Variants in CATSPERE observed in about 807,000 individuals in gnomAD.
CATSPERE encodes the protein catsper channel auxiliary subunit epsilon.
In CATSPERE, 93 loss-of-function variants were observed where a neutral mutation model predicts 114.1. That is an observed-to-expected ratio of 0.81 (90% confidence interval 0.69 to 0.97). The LOEUF (loss-of-function observed/expected upper bound fraction) is 0.97, where lower values mean the gene tolerates loss of function less well. CATSPERE is among the 50% of genes least tolerant of loss of function. CATSPERE has a pLI of 0.00. For synonymous variants in CATSPERE, 341 were observed against 384.1 expected (o/e 0.89, Z 1.31); for missense variants, 1,058 against 1,131.6 (o/e 0.93, Z 0.93).
At chr1:244,561,234 G>A (rs986452916) in intron 10 of CATSPERE, 89 bp downstream of exon 10, 5 of 1,005,204 alleles carry the variant, frequency 5.0e-6, no homozygotes, top group African/African-American at 3.2e-5. Flanking sequence ...ATGTACCAAT[G>A]TGTGGCGTTT....
rs142761942 is a variant in CATSPERE, at chr1:244,491,631, T to A, written c.351+1160T>A. On this transcript the variant is annotated intron_variant, in intron 6 of 21. Transcript: ENST00000366534. The stretch of plus-strand genomic sequence containing the variant: ...AGGGAAATAGAGACACAAAAAACCC[T>A]TCAAAAAATTAATGAATCCAGGAGC... 5.3e-3 allele frequency among the ~76,000 whole-genome samples: 814 copies of A among 152,182 alleles called. 10 individuals carry two copies. The highest frequency in any genetic ancestry group is 0.019 in the African/African-American group (782 of 41,530).
intron 7 of CATSPERE, among the ~76,000 whole-genome samples, chr1:244,516,420 TC>T (rs954795727): frequency 3.9e-5 from 6 of 152,190 alleles, no homozygotes; most frequent in Non-Finnish European, 8.8e-5. Context: ...TGATTATAGC[TC>T]ACTGTAGCCT....
intron 2 of CATSPERE, 116 bp downstream of exon 2, chr1:244,464,072 T>G (rs1667222721): frequency 1.3e-6 from 1 of 777,884 alleles, no homozygotes; most frequent in South Asian, 1.7e-5. Context: ...TCTGTTTCGT[T>G]TCTTTCATCC....
At chr1:244,542,294 G>A (rs890092046) in intron 8 of CATSPERE, among the ~76,000 whole-genome samples, 21 of 152,108 alleles carry the variant, frequency 1.4e-4, no homozygotes, top group Non-Finnish European at 1.0e-4. Context: ...CAACAGCTGA[G>A]TGGCGACTCT....
chr1:244,574,512 C>G (rs1664951469), intron 11 of CATSPERE, among the ~76,000 whole-genome samples: 1 of 152,114 alleles, frequency 6.6e-6, no homozygotes, highest in Admixed American at 6.5e-5. Context: ...ATTCCTTCCT[C>G]TTGATTTTAT....
Position 244,518,614 on chromosome 1 carries a change from A to T in CATSPERE, c.452A>T (p.Gln151Leu), listed in dbSNP as rs765224753. 6.3e-7 allele frequency: 1 copy of T among 1,593,886 alleles called. No individual in the cohort carries two copies. Among genetic ancestry groups the T allele is most frequent in the Admixed American group, 1.7e-5 (1 of 59,476 alleles). ...PSINSIVLST[Q>L]MATLGQKPVI... ...CAGAATTCCATAGTACTCAGCACAC[A>T]GATGGCCACATTGGGACAGAAGCCT... The change falls in exon 8 of 22, where the codon CAG becomes CTG. Residue 151 changes from glutamine (Q) to leucine (L), a missense_variant. Gln to Leu is a moderately radical substitution (Grantham distance 113). Around this residue, in one of 2 missense-constraint regions of CATSPERE, gnomAD observed 271 missense variants for 225.9 expected, o/e 1.20. Transcript: ENST00000366534.
upstream of CATSPERE, among the ~76,000 whole-genome samples, chr1:244,460,344 T>C (rs1572188772): frequency 6.6e-6 from 1 of 152,270 alleles, no homozygotes; most frequent in East Asian, 1.9e-4. Flanking sequence ...TTACAGACCC[T>C]GCACTTGATG....
At chr1:244,456,972 T>C (rs1033329693), upstream of CATSPERE, among the ~76,000 whole-genome samples, 5 of 152,218 alleles carry the variant, frequency 3.3e-5, no homozygotes, top group African/African-American at 1.2e-4. Flanking sequence ...CATAGGAATA[T>C]GGCTTTTGTT....
chr1:244,497,260 G>T (rs1673250812), intron 6 of CATSPERE, among the ~76,000 whole-genome samples: 1 of 152,076 alleles, frequency 6.6e-6, no homozygotes, highest in Non-Finnish European at 1.5e-5. Context: ...ATAAGTAAAT[G>T]ACAGATAACA....
At chr1:244,483,225 A>T (rs1036386447) in intron 5 of CATSPERE, among the ~76,000 whole-genome samples, 1 of 152,206 alleles carries the variant, frequency 6.6e-6, no homozygotes, top group Admixed American at 6.5e-5. Flanking sequence ...CTCATTCCAG[A>T]CCTATGGGAT....
At chr1:244,620,243 C>T (rs1317220820) in intron 20 of CATSPERE, among the ~76,000 whole-genome samples, 2 of 152,162 alleles carry the variant, frequency 1.3e-5, no homozygotes, top group East Asian at 3.8e-4. Context: ...TTCATTTTGT[C>T]CCAGTTCAAA....
At chr1:244,454,272 C>T (rs887988459), upstream of CATSPERE, 1 of 152,220 alleles carries the variant, frequency 6.6e-6, no homozygotes, top group African/African-American at 2.4e-5. Flanking sequence ...CCCTCCCCAC[C>T]TGGAGTGGAT....
chr1:244,615,788 G>A (rs1671301955), intron 19 of CATSPERE, among the ~76,000 whole-genome samples: 1 of 151,850 alleles, frequency 6.6e-6, no homozygotes, highest in Non-Finnish European at 1.5e-5. Flanking sequence ...GGCATAATCA[G>A]AACTGTACCT....
At chr1:244,482,429 T>C (rs1233203759) in intron 5 of CATSPERE, among the ~76,000 whole-genome samples, 4 of 151,938 alleles carry the variant, frequency 2.6e-5, no homozygotes, top group Non-Finnish European at 5.9e-5. Flanking sequence ...TAGCAAGACT[T>C]GTCTCTACAA....
At chr1:244,595,632 G>A (rs1300928831) in intron 17 of CATSPERE, among the ~76,000 whole-genome samples, 1 of 152,128 alleles carries the variant, frequency 6.6e-6, no homozygotes, top group African/African-American at 2.4e-5. Flanking sequence ...GGAGTGGCAT[G>A]ATCAAATATT....
intron 5 of CATSPERE, among the ~76,000 whole-genome samples, chr1:244,487,456 A>AT (rs1671282704): frequency 6.6e-6 from 1 of 152,110 alleles, no homozygotes; most frequent in Non-Finnish European, 1.5e-5. Context: ...TGCAGCCTCT[A>AT]CACTGGGCCA....
At position 244,477,890 on chromosome 1, in the gene CATSPERE, T is replaced by C. The variant is rs1669622397; in HGVS notation, c.189-16T>C. 1 of 1,586,808 alleles carries C rather than the reference T, an allele frequency of 6.3e-7. No individual in the cohort carries two copies. The highest frequency in any genetic ancestry group is 1.3e-5 in the African/African-American group (1 of 74,174). On this transcript the variant is annotated splice_polypyrimidine_tract_variant and intron_variant, in intron 3 of 21. Transcript: ENST00000366534. Reference sequence around the variant, plus strand: ...ATGCACCTATAATTATTCTTTCTCATCTTTTTAAACACTAGCTCACCCACG... The same window carrying C: ...ATGCACCTATAATTATTCTTTCTCACCTTTTTAAACACTAGCTCACCCACG...
chr1:244,467,954 C>T (rs1354398886), intron 2 of CATSPERE, among the ~76,000 whole-genome samples: 1 of 151,922 alleles, frequency 6.6e-6, no homozygotes, highest in African/African-American at 2.4e-5. Context: ...AAATTTATTG[C>T]TATTCATTTG....
intron 6 of CATSPERE, among the ~76,000 whole-genome samples, chr1:244,493,394 C>A (rs961970806): frequency 9.9e-5 from 15 of 152,148 alleles, no homozygotes; most frequent in Non-Finnish European, 1.9e-4. Context: ...ACTGGTTGGC[C>A]ATATGTAGAA....
Sources: allele counts gnomAD v4.1 joint callset (sites outside exome capture counted in the v4.1 genomes callset), GRCh38; gene constraint gnomAD v4.1.1; regional missense constraint gnomAD v4.1.1; transcripts MANE v1.5; gene names NCBI Gene and HGNC (gene_info 2026-07-23, HGNC 2026-07-21).